SDK2: variants seen among roughly 807,000 people sequenced by gnomAD.
The protein encoded by SDK2 is sidekick cell adhesion molecule 2, also known as protein sidekick-2.
A neutral mutation model predicts 253.9 loss-of-function variants in SDK2; 105 were observed. The ratio of observed to expected loss-of-function variants is 0.41; its 90% confidence interval spans 0.35 to 0.49. The LOEUF (loss-of-function observed/expected upper bound fraction) is 0.49. SDK2 is among the 20% of genes least tolerant of loss of function. The pLI is 0.06. For synonymous variants in SDK2, 1,249 were observed against 1,234.9 expected (o/e 1.01, Z -0.24); for missense variants, 2,608 against 3,003.0 (o/e 0.87, Z 3.07).
intron 40 of SDK2, among the ~76,000 whole-genome samples, chr17:73,355,455 A>C (rs552784608): frequency 6.6e-6 from 1 of 151,918 alleles, no homozygotes; most frequent in Admixed American, 6.5e-5. Flanking sequence ...CTCCTGCCTT[A>C]GCCTCCGGAG....
At position 73,375,140 on chromosome 17, in the gene SDK2, C is replaced by T. The variant is rs1417713749; in HGVS notation, c.4980+4037G>A. Among the ~76,000 whole-genome samples, 4 of 151,602 alleles carry T rather than the reference C, an allele frequency of 2.6e-5. No individual in the cohort carries two copies. The South Asian group carries it at 8.3e-4, about 31-fold the overall frequency. On this transcript the variant is annotated intron_variant, in intron 36 of 44. Coordinates refer to ENST00000392650, the MANE Select transcript of SDK2 (RefSeq NM_001144952.2). ...ACCCTGAGACCTTTGCTCTTTTTTC[C>T]TCTCTTTCTGGATCCATGTGATTTG...
intron 1 of SDK2, among the ~76,000 whole-genome samples, chr17:73,566,395 G>C (rs1357330970): frequency 6.6e-6 from 1 of 151,312 alleles, no homozygotes; most frequent in Admixed American, 6.6e-5. Context: ...AATGCAAACA[G>C]ACAAGTACAG....
In SDK2 at chr17:73,465,595, G is replaced by C. The variant is rs1599592164; in HGVS notation, c.331+6517C>G. Among the ~76,000 whole-genome samples, 1 of 152,210 alleles carries C rather than the reference G, an allele frequency of 6.6e-6. No homozygotes were observed. Among genetic ancestry groups the C allele is most frequent in the South Asian group, 2.1e-4 (1 of 4,828 alleles). ...AAAGAAGAGACTCCAAGTGGGGACA[G>C]GAAGGGGCTGGGGAGGGGGGAAGAT... On this transcript the variant is annotated intron_variant, in intron 3 of 44. Coordinates refer to ENST00000392650, the MANE Select transcript of SDK2 (RefSeq NM_001144952.2). This position sits in a 1 kb window ranked among gnomAD's most constrained non-coding sequence, Gnocchi z 4.2.
chr17:73,543,005 C>T (rs536287633), intron 1 of SDK2, among the ~76,000 whole-genome samples: 204 of 152,258 alleles, frequency 1.3e-3, no homozygotes, highest in Non-Finnish European at 2.2e-3. Flanking sequence ...TTCTAGGCCA[C>T]GCCCCCTCTG....
In SDK2 at chr17:73,496,420, G is replaced by GA. The variant is rs1274694309; in HGVS notation, c.224+11017_224+11018insT. ...AACAACGGTTTGCCAGGTAGCAGAG[G>GA]CGTGCGAGGACGGTAGAGGTGGAGG... On this transcript the variant is annotated intron_variant, in intron 2 of 44. Coordinates refer to ENST00000392650, the MANE Select transcript of SDK2 (RefSeq NM_001144952.2). The surrounding 1 kb of genome is among the most constrained non-coding windows in gnomAD (Gnocchi z 4.7). Among the ~76,000 whole-genome samples the GA allele has an allele frequency of 6.6e-6, 1 of 152,178 alleles. No homozygotes were observed. Among genetic ancestry groups the GA allele is most frequent in the Non-Finnish European group, 1.5e-5 (1 of 68,028 alleles).
intron 1 of SDK2, among the ~76,000 whole-genome samples, chr17:73,563,751 G>C (rs2045271635): frequency 6.6e-6 from 1 of 152,020 alleles, no homozygotes; most frequent in Non-Finnish European, 1.5e-5. Flanking sequence ...AAATGGCCTA[G>C]GTGAGTCTTC....
At position 73,644,362 on chromosome 17, in the gene SDK2, C is replaced by A. The variant is rs1255963387; in HGVS notation, c.-274G>T. Among the ~76,000 whole-genome samples the A allele has an allele frequency of 1.3e-5, 2 of 152,282 alleles. No homozygotes were observed. Among genetic ancestry groups the A allele is most frequent in the Non-Finnish European group, 2.9e-5 (2 of 68,008 alleles). The stretch of plus-strand genomic sequence containing the variant: ...GCCGCCCTCTCGGACTAGGGCGCCT[C>A]TCTCCCTTAGCACCCCAACTCCGAC... On this transcript the variant is annotated 5_prime_UTR_variant, in exon 1 of 45. Coordinates refer to ENST00000392650, the MANE Select transcript of SDK2 (RefSeq NM_001144952.2). The surrounding 1 kb of genome is among the most constrained non-coding windows in gnomAD (Gnocchi z 6.3).
Position 73,448,628 on chromosome 17 carries a change from T to C in SDK2, c.480-880A>G, listed in dbSNP as rs184272311. 5.5e-4 allele frequency among the ~76,000 whole-genome samples: 83 copies of C among 151,964 alleles called. No homozygotes were observed. In the South Asian group the frequency reaches 8.8e-3, roughly 16 times the overall value. On this transcript the variant is annotated intron_variant, in intron 4 of 44. Transcript: ENST00000392650. ...ATCTGCCCGCCTTGGCCTCCGAAAG[T>C]GTTGGGATTACAGGCGTGAGCCACT...
chr17:73,559,449 T>C (rs2045194481), intron 1 of SDK2, among the ~76,000 whole-genome samples: 1 of 152,234 alleles, frequency 6.6e-6, no homozygotes, highest in African/African-American at 2.4e-5. Context: ...ATAATTCTTT[T>C]TGCGGGCTCT....
intron 2 of SDK2, among the ~76,000 whole-genome samples, chr17:73,489,907 C>T (rs1475315376): frequency 1.3e-5 from 2 of 152,156 alleles, no homozygotes; most frequent in Admixed American, 6.5e-5. Flanking sequence ...ATCTGTCATG[C>T]AGATTTCATT....
At chr17:73,555,113 A>G (rs2045123717) in intron 1 of SDK2, among the ~76,000 whole-genome samples, 1 of 152,260 alleles carries the variant, frequency 6.6e-6, no homozygotes, top group African/African-American at 2.4e-5. Flanking sequence ...TGCATTGTCT[A>G]GCTGCATATG....
At chr17:73,635,159 T>A (rs1394155621) in intron 1 of SDK2, among the ~76,000 whole-genome samples, 2 of 151,918 alleles carry the variant, frequency 1.3e-5, no homozygotes, top group Admixed American at 6.6e-5. Context: ...CTCATTTTTG[T>A]ATTTTGTATT....
At chr17:73,628,038 C>T (rs921141367) in intron 1 of SDK2, among the ~76,000 whole-genome samples, 14 of 152,286 alleles carry the variant, frequency 9.2e-5, no homozygotes, top group African/African-American at 3.4e-4. Context: ...GGCGACAGAG[C>T]GAGACTCCGT....
chr17:73,601,568 G>A (rs563326822), intron 1 of SDK2, among the ~76,000 whole-genome samples: 122 of 152,268 alleles, frequency 8.0e-4, no homozygotes, highest in African/African-American at 2.8e-3. Context: ...GGATAGGGCC[G>A]AGGGACAACG....
chr17:73,430,876 G>A (rs2063321228), intron 11 of SDK2, among the ~76,000 whole-genome samples: 2 of 152,170 alleles, frequency 1.3e-5, no homozygotes, highest in South Asian at 4.1e-4. Flanking sequence ...GGTAAAAATA[G>A]GGCTTTCTGA....
rs564471614 is a variant in SDK2, at chr17:73,356,726, G to A, written c.5593+1353C>T. Among the ~76,000 whole-genome samples the A allele has an allele frequency of 2.6e-5, 4 of 152,294 alleles. No individual in the cohort carries two copies. The East Asian group carries it at 5.8e-4, about 22-fold the overall frequency. ...CTCCCTGTGCCTGGTTACTGATCCT[G>A]TCCTCTGCTCTCTGGCCCTGGCCCT... On this transcript the variant is annotated intron_variant, in intron 40 of 44. Transcript: ENST00000392650.
At chr17:73,377,718 T>C (rs1019421440) in intron 36 of SDK2, among the ~76,000 whole-genome samples, 28 of 151,366 alleles carry the variant, frequency 1.8e-4, no homozygotes, top group Non-Finnish European at 3.1e-4. Context: ...GTTCAAGTGA[T>C]TCTCCTGCCT....
Sources: allele counts gnomAD v4.1 joint callset (sites outside exome capture counted in the v4.1 genomes callset), GRCh38; gene constraint gnomAD v4.1.1; non-coding constraint Gnocchi (gnomAD v3.1); transcripts MANE v1.5; gene names NCBI Gene and HGNC (gene_info 2026-07-23, HGNC 2026-07-21).